Variants in RAB27A observed in about 807,000 individuals in gnomAD.
RAB27A encodes ras-related protein Rab-27A.
RAB27A carries 17 observed loss-of-function variants against 20.8 expected under a neutral mutation model. That is an observed-to-expected ratio of 0.82 (90% CI 0.56 to 1.23). RAB27A has a LOEUF of 1.23. Among genes scored for constraint, RAB27A ranks in the 50% most tolerant of loss-of-function variants. The pLI is 0.00. For synonymous variants in RAB27A, 85 were observed against 92.8 expected, an observed-to-expected ratio of 0.92 and a Z score of 0.48; for missense variants, 277 against 266.7, an observed-to-expected ratio of 1.04 and a Z score of -0.27.
upstream of RAB27A, among the ~76,000 whole-genome samples, chr15:55,294,589 G>GAAAAAA (rs1181179911): frequency 3.4e-5 from 1 of 29,180 alleles, no homozygotes; most frequent in African/African-American, 1.2e-4. Flanking sequence ...CCCTGTCTCC[G>GAAAAAA]AAAAAAAAAA....
chr15:55,304,541 G>C (rs914068884), intron 2 of RAB27A, among the ~76,000 whole-genome samples: 1 of 151,546 alleles, frequency 6.6e-6, no homozygotes, highest in African/African-American at 2.4e-5. Context: ...TTCAACCCCT[G>C]TCAGCCACTA....
chr15:55,259,213 C>A (rs1897189181), intron 2 of RAB27A, among the ~76,000 whole-genome samples: 1 of 151,778 alleles, frequency 6.6e-6, no homozygotes, highest in South Asian at 2.1e-4. Context: ...TTTGGTTTGT[C>A]TTTTCACTTT....
intron 1 of RAB27A, among the ~76,000 whole-genome samples, chr15:55,271,747 T>A (rs1398307078): frequency 6.6e-6 from 1 of 152,224 alleles, no homozygotes; most frequent in Admixed American, 6.5e-5. Flanking sequence ...ATGTCGGACA[T>A]AGAACTAATC....
chr15:55,285,078 A>G (rs2141127269), intron 1 of RAB27A, among the ~76,000 whole-genome samples: 1 of 152,354 alleles, frequency 6.6e-6, no homozygotes, highest in African/African-American at 2.4e-5. Flanking sequence ...GATAAAGAAC[A>G]ATTTTTTAGT....
At chr15:55,296,842 G>C (rs528261088) in intron 2 of RAB27A, among the ~76,000 whole-genome samples, 8 of 152,186 alleles carry the variant, frequency 5.3e-5, no homozygotes, top group African/African-American at 1.9e-4. Flanking sequence ...CTTGGCTAGG[G>C]GAGGCCCACG....
chr15:55,274,829 T>TATATAGAGAG (rs1244330728), intron 1 of RAB27A, among the ~76,000 whole-genome samples: 4 of 139,008 alleles, frequency 2.9e-5, no homozygotes, highest in African/African-American at 1.0e-4. Flanking sequence ...TATATATGTA[T>TATATAGAGAG]AGAGAGAGAC....
intron 1 of RAB27A, among the ~76,000 whole-genome samples, chr15:55,272,354 G>C (rs1052296984): frequency 2.8e-4 from 43 of 152,182 alleles, no homozygotes; most frequent in African/African-American, 9.6e-4. Context: ...GGCCGAGATC[G>C]CACCAATGCA....
At position 55,204,752 on chromosome 15, in the gene RAB27A, T is replaced by G. The variant is rs1045177734; in HGVS notation, c.*755A>C. ...CACAGTGAACTAAAGCCATAAAATCTAGTTCCCTGACCCTTCAATCAACCA... is the reference window on the plus strand; with the variant it reads ...CACAGTGAACTAAAGCCATAAAATCGAGTTCCCTGACCCTTCAATCAACCA... On this transcript the variant is annotated 3_prime_UTR_variant, in exon 7 of 7. Transcript: ENST00000336787. 1 of 152,328 alleles carries G rather than the reference T, an allele frequency of 6.6e-6. No homozygotes were observed. The highest frequency in any genetic ancestry group is 2.4e-5 in the African/African-American group (1 of 41,430). 9.4% of individuals were successfully genotyped at this position (152,328 alleles called of 1,614,324 possible).
intron 2 of RAB27A, among the ~76,000 whole-genome samples, chr15:55,269,557 G>C (rs1452415004): frequency 6.6e-6 from 1 of 152,058 alleles, no homozygotes; most frequent in East Asian, 1.9e-4. Context: ...AAGCAGGCTG[G>C]CCAACATGGT....
Position 55,204,419 on chromosome 15 carries a change from C to A in RAB27A, c.*1088G>T, listed in dbSNP as rs1490385076. 6.6e-6 allele frequency: 1 copy of A among 152,200 alleles called. No homozygotes were observed. The highest frequency in any genetic ancestry group is 2.4e-5 in the African/African-American group (1 of 41,448). 9.4% of individuals were successfully genotyped at this position (152,200 alleles called of 1,614,324 possible). A position where few individuals can be genotyped will look rare whatever the true frequency, so the allele number is the denominator to read the frequency against. ...TTATTGAACTACAGTACAAATGTGA[C>A]TGCTTCAATATGAACATCTATCTTC... is the stretch of plus-strand genomic sequence containing the variant. On this transcript the variant is annotated 3_prime_UTR_variant, in exon 7 of 7. Transcript: ENST00000336787.
chr15:55,277,003 GT>G (rs1897892614), intron 1 of RAB27A, among the ~76,000 whole-genome samples: 1 of 152,126 alleles, frequency 6.6e-6, no homozygotes, highest in African/African-American at 2.4e-5. Flanking sequence ...CCATAAAGTA[GT>G]TTTTTTAAAA....
intron 2 of RAB27A, among the ~76,000 whole-genome samples, chr15:55,256,289 C>A (rs1897076514): frequency 6.6e-6 from 1 of 152,138 alleles, no homozygotes; most frequent in Admixed American, 6.5e-5. Context: ...TGGCCTGTGC[C>A]AGTAGTCCCG....
chr15:55,294,407 G>A (rs556115132), upstream of RAB27A, among the ~76,000 whole-genome samples: 1 of 151,950 alleles, frequency 6.6e-6, no homozygotes, highest in African/African-American at 2.4e-5. Context: ...GGGCAACATG[G>A]TGAAACCCTG....
exon 1 of RAB27A, chr15:55,319,011 G>C: frequency 4.0e-6 from 2 of 494,794 alleles, no homozygotes; most frequent in South Asian, 2.9e-5. Flanking sequence ...CCTTCCAGCA[G>C]TTTTCGGACC....
At chr15:55,303,611 A>G (rs11071178) in intron 2 of RAB27A, among the ~76,000 whole-genome samples, 164 of 38,728 alleles carry the variant, frequency 4.2e-3, no homozygotes, top group East Asian at 0.021. Flanking sequence ...GAGGGAGGTG[A>G]GGGGGTCGGC....
At chr15:55,262,446 G>C (rs147205319) in intron 2 of RAB27A, among the ~76,000 whole-genome samples, 1,768 of 151,466 alleles carry the variant, frequency 0.012, 28 homozygotes, top group African/African-American at 0.04. Flanking sequence ...GGAGGCTGAG[G>C]CAGGAGAATG....
intron 1 of RAB27A, among the ~76,000 whole-genome samples, chr15:55,275,940 A>AT (rs1555399563): frequency 1.3e-5 from 2 of 150,782 alleles, no homozygotes; most frequent in East Asian, 3.9e-4. Flanking sequence ...AAAAAAAAAA[A>AT]CAAGAGATAA....
intron 3 of RAB27A, 43 bp downstream of exon 3, chr15:55,234,739 G>A (rs1259478177): frequency 6.4e-7 from 1 of 1,561,006 alleles, no homozygotes; most frequent in African/African-American, 1.4e-5. Flanking sequence ...AGCAAATGTT[G>A]ACTTAACGAT....
chr15:55,257,893 T>G (rs1595723676), intron 2 of RAB27A, among the ~76,000 whole-genome samples: 1 of 152,152 alleles, frequency 6.6e-6, no homozygotes, highest in Non-Finnish European at 1.5e-5. Flanking sequence ...CTCAGGAGGC[T>G]AAGGCATGAG....
Sources: gnomAD v4.1 joint callset for allele counts (sites outside exome capture counted in the v4.1 genomes callset) on GRCh38, gnomAD v4.1.1 for gene constraint, MANE v1.5 for transcripts, NCBI Gene and HGNC (gene_info 2026-07-23, HGNC 2026-07-21) for gene names.